RAPGEF4: variants seen among roughly 807,000 people sequenced by gnomAD.
RAPGEF4 encodes the protein RAP guanine-nucleotide-exchange factor (GEF) 4.
A neutral mutation model predicts 147.9 loss-of-function variants in RAPGEF4; 66 were observed. The ratio of observed to expected loss-of-function variants is 0.45; its 90% CI spans 0.37 to 0.55. The LOEUF is 0.55. RAPGEF4 is among the 20% of genes least tolerant of loss of function. The probability of loss-of-function intolerance (pLI) is 0.00; values close to 1 mark genes in which losing one functional copy is unlikely to be tolerated. For synonymous variants in RAPGEF4, 419 were observed against 442.7 expected (o/e 0.95, Z 0.67); for missense variants, 1,071 against 1,257.3 (o/e 0.85, Z 2.24).
At chr2:172,945,803 G>C (rs954272458) in intron 6 of RAPGEF4, among the ~76,000 whole-genome samples, 2 of 152,080 alleles carry the variant, frequency 1.3e-5, no homozygotes, top group African/African-American at 4.8e-5. Context: ...ATATGTATTA[G>C]TCTTAATAAA....
intron 10 of RAPGEF4, 87 bp from the exon 11 acceptor site, chr2:172,983,409 T>C (rs1353094471): frequency 1.3e-6 from 2 of 1,537,000 alleles, no homozygotes; most frequent in Non-Finnish European, 1.7e-6. Context: ...TCCCTGAGCA[T>C]GTTACTGATG....
At chr2:172,781,949 A>G (rs1219191926) in intron 1 of RAPGEF4, among the ~76,000 whole-genome samples, 1 of 152,218 alleles carries the variant, frequency 6.6e-6, no homozygotes, top group East Asian at 1.9e-4. Flanking sequence ...CAGAACCCAC[A>G]GATATGGAGG....
At chr2:172,798,822 C>T (rs558061320) in intron 3 of RAPGEF4, among the ~76,000 whole-genome samples, 2 of 152,292 alleles carry the variant, frequency 1.3e-5, no homozygotes, top group African/African-American at 2.4e-5. Flanking sequence ...GATGTAGTTT[C>T]CTGGGTGATA....
intron 29 of RAPGEF4, among the ~76,000 whole-genome samples, chr2:173,038,709 A>G (rs993503259): frequency 1.3e-5 from 2 of 152,178 alleles, no homozygotes; most frequent in African/African-American, 4.8e-5. Context: ...TACGTAACAA[A>G]CCTGCACATT....
chr2:172,864,410 G>A (rs187633578), intron 4 of RAPGEF4, among the ~76,000 whole-genome samples: 220 of 152,318 alleles, frequency 1.4e-3, no homozygotes, highest in African/African-American at 5.0e-3. Context: ...CCACCAGGGG[G>A]TGCTTCAGCC....
At chr2:172,859,173 A>T (rs1693754643) in intron 4 of RAPGEF4, among the ~76,000 whole-genome samples, 1 of 152,234 alleles carries the variant, frequency 6.6e-6, no homozygotes, top group Non-Finnish European at 1.5e-5. Flanking sequence ...ACAAAAATAG[A>T]GATGAAACTT....
intron 17 of RAPGEF4, among the ~76,000 whole-genome samples, chr2:173,002,621 C>CTTTTT (rs35905755): frequency 7.2e-6 from 1 of 138,944 alleles, no homozygotes. Flanking sequence ...TTTATTCTTT[C>CTTTTT]TTTTTTTTTT....
intron 14 of RAPGEF4, 30 bp from the exon 15 acceptor site, chr2:172,990,780 A>G (rs1395598179): frequency 7.2e-6 from 11 of 1,532,642 alleles, no homozygotes; most frequent in South Asian, 2.3e-5. Flanking sequence ...AAGCGGCAGC[A>G]TCTGTATGTG....
intron 14 of RAPGEF4, 109 bp downstream of exon 14, chr2:172,988,948 C>A: frequency 8.1e-7 from 1 of 1,234,532 alleles, no homozygotes; most frequent in Non-Finnish European, 1.1e-6. Flanking sequence ...TGAATGAGTG[C>A]TCTAGGCACA....
rs1377836227 is a variant in RAPGEF4 at position 172,965,692 on chromosome 2, AG to A, written c.820+10del. 4 of 1,614,026 alleles carry A rather than the reference AG, an allele frequency of 2.5e-6. No homozygotes were observed. The highest frequency in any genetic ancestry group is 2.7e-5 in the African/African-American group (2 of 74,924). On this transcript the variant is annotated intron_variant, in intron 9 of 30. Coordinates refer to ENST00000397081, the MANE Select transcript of RAPGEF4 (RefSeq NM_007023.4). ...TGGTGTTCTCAACCACGGTAAGATGAGCCCCAGTCCCTGGAAACCTCTCAAG... is the reference window on the plus strand; with the variant it reads ...TGGTGTTCTCAACCACGGTAAGATGACCCCAGTCCCTGGAAACCTCTCAAG...
chr2:172,976,987 T>A (rs1691143436), intron 10 of RAPGEF4, among the ~76,000 whole-genome samples: 1 of 152,218 alleles, frequency 6.6e-6, no homozygotes, highest in Admixed American at 6.5e-5. Flanking sequence ...TCCACATCAA[T>A]GTGGCACCAC....
At chr2:173,014,863 T>A (rs528170934) in intron 18 of RAPGEF4, among the ~76,000 whole-genome samples, 1 of 152,354 alleles carries the variant, frequency 6.6e-6, no homozygotes, top group Admixed American at 6.5e-5. Flanking sequence ...GTATGTTTTA[T>A]CTTGTAGTCA....
At chr2:173,000,528 A>C (rs1693790748) in intron 16 of RAPGEF4, among the ~76,000 whole-genome samples, 1 of 152,156 alleles carries the variant, frequency 6.6e-6, no homozygotes, top group African/African-American at 2.4e-5. Context: ...TGTTGTCTGC[A>C]ATGAAGAACC....
chr2:172,911,921 C>T (rs944804203), intron 4 of RAPGEF4, among the ~76,000 whole-genome samples: 7 of 151,960 alleles, frequency 4.6e-5, no homozygotes, highest in Admixed American at 2.6e-4. Flanking sequence ...TACACGCCAC[C>T]AGGCCTGGCT....
intron 3 of RAPGEF4, among the ~76,000 whole-genome samples, chr2:172,802,882 C>T (rs1687115285): frequency 6.6e-6 from 1 of 152,244 alleles, no homozygotes; most frequent in Non-Finnish European, 1.5e-5. Flanking sequence ...CCATGCAAGT[C>T]TGAAATCCAG....
At chr2:173,024,280 G>C (rs889156903) in intron 23 of RAPGEF4, among the ~76,000 whole-genome samples, 4 of 138,834 alleles carry the variant, frequency 2.9e-5, no homozygotes, top group African/African-American at 5.0e-5. Flanking sequence ...TGCAGTGGCG[G>C]GATCTCGGCT....
At chr2:172,749,195 A>G (rs1695038351) in intron 1 of RAPGEF4, among the ~76,000 whole-genome samples, 1 of 146,708 alleles carries the variant, frequency 6.8e-6, no homozygotes, top group Non-Finnish European at 1.5e-5. Flanking sequence ...CAGCTCTGCT[A>G]GGCAGTGACC....
At chr2:172,778,194 C>T (rs1177421976) in intron 1 of RAPGEF4, among the ~76,000 whole-genome samples, 1 of 152,080 alleles carries the variant, frequency 6.6e-6, no homozygotes, top group Non-Finnish European at 1.5e-5. Flanking sequence ...ATCCTTGGCT[C>T]CTGGGTCAAA....
At chr2:173,027,505 T>C (rs1222276454) in intron 25 of RAPGEF4, among the ~76,000 whole-genome samples, 1 of 152,236 alleles carries the variant, frequency 6.6e-6, no homozygotes, top group Non-Finnish European at 1.5e-5. Context: ...CTCTCTTTGC[T>C]CTTTGCTTTC....
Sources: gnomAD v4.1 joint callset for allele counts (sites outside exome capture counted in the v4.1 genomes callset) on GRCh38, gnomAD v4.1.1 for gene constraint, MANE v1.5 for transcripts, NCBI Gene and HGNC (gene_info 2026-07-23, HGNC 2026-07-21) for gene names.